The following FSTL4 variants were observed in gnomAD, a reference collection of about 807,000 sequenced individuals.
FSTL4 encodes the protein follistatin like 4.
Under a neutral mutation model 78.2 loss-of-function variants are expected in FSTL4, and 28 were observed. That is an observed-to-expected ratio of 0.36 (90% CI 0.27 to 0.49). The LOEUF (loss-of-function observed/expected upper bound fraction) is 0.49, where lower values mean the gene tolerates loss of function less well. FSTL4 is among the 20% of genes least tolerant of loss of function. FSTL4 has a pLI of 0.98. For missense variants in FSTL4, 922 were observed against 1,084.9 expected (o/e 0.85, Z 2.11); for synonymous variants, 422 against 440.5 (o/e 0.96, Z 0.53).
rs201692563 is a variant in FSTL4, at chr5:133,302,670, GC to G, written c.727+9983del. On this transcript the variant is annotated intron_variant, in intron 6 of 15. Coordinates refer to ENST00000265342, the MANE Select transcript of FSTL4 (RefSeq NM_015082.2). ...CATGGTGCCAAACCGAGGGGTGACT[GC>G]AGGTTCCATGTCCCCTCTCTGCCCC... 4.5e-3 allele frequency among the ~76,000 whole-genome samples: 688 copies of G among 152,302 alleles called. 3 individuals carry two copies. Among genetic ancestry groups the G allele is most frequent in the African/African-American group, 0.014 (586 of 41,566 alleles).
At chr5:133,240,669 G>A (rs866944971) in intron 7 of FSTL4, among the ~76,000 whole-genome samples, 2 of 152,074 alleles carry the variant, frequency 1.3e-5, no homozygotes, top group African/African-American at 2.4e-5. Flanking sequence ...ATCTCTTAGC[G>A]CATGACTCAT....
chr5:133,364,919 C>G (rs1246251097), intron 4 of FSTL4, among the ~76,000 whole-genome samples: 1 of 152,132 alleles, frequency 6.6e-6, no homozygotes, highest in Non-Finnish European at 1.5e-5. Flanking sequence ...CTCTTAATCT[C>G]CTTAGATTTC....
chr5:133,278,181 G>T (rs1207660236), intron 6 of FSTL4, among the ~76,000 whole-genome samples: 1 of 152,216 alleles, frequency 6.6e-6, no homozygotes, highest in African/African-American at 2.4e-5. Flanking sequence ...AAGCAGAGAG[G>T]TCCCATGACT....
the FSTL4 span, among the ~76,000 whole-genome samples, chr5:133,788,687 T>G: frequency 6.6e-6 from 1 of 152,234 alleles, no homozygotes; most frequent in Non-Finnish European, 1.5e-5. Context: ...TCATTGTTCT[T>G]GTGTGAATTC....
chr5:133,282,431 C>G (rs1753030934), intron 6 of FSTL4, among the ~76,000 whole-genome samples: 1 of 152,174 alleles, frequency 6.6e-6, no homozygotes, highest in African/African-American at 2.4e-5. Context: ...CTGGCCAGCT[C>G]ACAGTTGCAT....
At chr5:133,608,045 C>T (rs1169523933) in intron 1 of FSTL4, among the ~76,000 whole-genome samples, 1 of 152,190 alleles carries the variant, frequency 6.6e-6, no homozygotes, top group Non-Finnish European at 1.5e-5. Context: ...AAATTAATTA[C>T]TCCTCAAATT....
chr5:133,600,244 C>A (rs142682570), intron 2 of FSTL4, among the ~76,000 whole-genome samples: 1 of 152,038 alleles, frequency 6.6e-6, no homozygotes, highest in Non-Finnish European at 1.5e-5. Flanking sequence ...GATGATTTTG[C>A]CCTAAGTGTA....
intron 3 of FSTL4, among the ~76,000 whole-genome samples, chr5:133,510,557 T>C (rs1422932064): frequency 6.6e-6 from 1 of 152,096 alleles, no homozygotes; most frequent in Non-Finnish European, 1.5e-5. Flanking sequence ...GAACAGACCA[T>C]GCAAGCTTTC....
At chr5:133,554,705 C>T (rs1295920054) in intron 3 of FSTL4, among the ~76,000 whole-genome samples, 1 of 152,196 alleles carries the variant, frequency 6.6e-6, no homozygotes, top group Non-Finnish European at 1.5e-5. Context: ...TATCTGTCAC[C>T]TTGTAGTTTA....
At chr5:133,334,880 G>T (rs1032892217) in intron 4 of FSTL4, among the ~76,000 whole-genome samples, 1 of 152,104 alleles carries the variant, frequency 6.6e-6, no homozygotes, top group African/African-American at 2.4e-5. Flanking sequence ...TGGGGAGGAG[G>T]CTGGGTGGGG....
the FSTL4 span, among the ~76,000 whole-genome samples, chr5:133,725,379 A>G: frequency 2.6e-5 from 4 of 152,188 alleles, no homozygotes; most frequent in African/African-American, 4.8e-5. Flanking sequence ...AAAATGGCCT[A>G]TTACCAGGAT....
chr5:133,256,600 TC>T (rs1476801696), intron 6 of FSTL4: 2 of 152,254 alleles, frequency 1.3e-5, no homozygotes, highest in Non-Finnish European at 2.9e-5. Context: ...CACTCTGGGA[TC>T]CTTTCAAATA....
At chr5:133,228,504 T>C (rs1291219755) in intron 8 of FSTL4, among the ~76,000 whole-genome samples, 1 of 152,204 alleles carries the variant, frequency 6.6e-6, no homozygotes, top group Non-Finnish European at 1.5e-5. Context: ...TAGGACGTGA[T>C]ACACCAAAAT....
the FSTL4 span, among the ~76,000 whole-genome samples, chr5:133,799,017 G>C: frequency 8.7e-6 from 1 of 114,788 alleles, no homozygotes; most frequent in African/African-American, 3.2e-5. Flanking sequence ...GGGAAGGGAA[G>C]GAATTAGAGG....
chr5:133,309,744 C>T (rs1337238275), intron 6 of FSTL4, among the ~76,000 whole-genome samples: 1 of 152,220 alleles, frequency 6.6e-6, no homozygotes, highest in Non-Finnish European at 1.5e-5. Context: ...CCAAACCCAT[C>T]ATCCTTTAGT....
chr5:133,446,539 TC>T (rs1272564764), intron 3 of FSTL4, among the ~76,000 whole-genome samples: 1 of 151,984 alleles, frequency 6.6e-6, no homozygotes, highest in African/African-American at 2.4e-5. Flanking sequence ...ACACTGGCAC[TC>T]CCCCCACTCC....
the FSTL4 span, among the ~76,000 whole-genome samples, chr5:133,808,142 G>A: frequency 6.6e-6 from 1 of 152,176 alleles, no homozygotes; most frequent in Non-Finnish European, 1.5e-5. Flanking sequence ...TTTTAATATA[G>A]TCAAATATTT....
At chr5:133,651,569 T>C in the FSTL4 span, among the ~76,000 whole-genome samples, 6 of 152,182 alleles carry the variant, frequency 3.9e-5, no homozygotes, top group Non-Finnish European at 7.4e-5. Flanking sequence ...TGAACCAGTC[T>C]GGTATACCTG....
At chr5:133,623,505 T>A in the FSTL4 span, among the ~76,000 whole-genome samples, 2 of 151,970 alleles carry the variant, frequency 1.3e-5, no homozygotes, top group African/African-American at 4.8e-5. Flanking sequence ...GACTTAAAAT[T>A]GAATTATGAC....
Sources: allele counts gnomAD v4.1 joint callset (sites outside exome capture counted in the v4.1 genomes callset), GRCh38; gene constraint gnomAD v4.1.1; transcripts MANE v1.5; gene names NCBI Gene and HGNC (gene_info 2026-07-23, HGNC 2026-07-21).